PRMT3: variants seen among roughly 807,000 people sequenced by gnomAD.
PRMT3 encodes the protein protein arginine methyltransferase 3, also known as protein arginine N-methyltransferase 3.
PRMT3 carries 62 observed loss-of-function variants against 71.9 expected under a neutral mutation model. The ratio of observed to expected loss-of-function variants is 0.86; its 90% CI spans 0.70 to 1.07. PRMT3 has a LOEUF of 1.07. PRMT3 is among the 50% of genes least tolerant of loss of function. PRMT3 has a pLI of 0.00. For missense variants in PRMT3, 663 were observed against 643.0 expected (o/e 1.03, Z -0.34); for synonymous variants, 213 against 220.4 (o/e 0.97, Z 0.30).
chr11:20,431,242 A>G (rs1201455775), intron 10 of PRMT3, among the ~76,000 whole-genome samples: 3 of 152,174 alleles, frequency 2.0e-5, no homozygotes, highest in African/African-American at 7.2e-5. Context: ...ATGGAGATAT[A>G]GTATATGACA....
chr11:20,442,825 A>T (rs535910041), intron 10 of PRMT3, among the ~76,000 whole-genome samples: 49 of 152,362 alleles, frequency 3.2e-4, no homozygotes, highest in African/African-American at 1.1e-3. Flanking sequence ...TTTTGCTATT[A>T]CAAATAATAT....
At chr11:20,400,360 G>A (rs190356873) in intron 7 of PRMT3, among the ~76,000 whole-genome samples, 117 of 152,188 alleles carry the variant, frequency 7.7e-4, no homozygotes, top group African/African-American at 2.6e-3. Flanking sequence ...TAGATAAGAT[G>A]AAGATACCTT....
At chr11:20,394,192 T>C (rs1405500636) in intron 5 of PRMT3, among the ~76,000 whole-genome samples, 1 of 152,254 alleles carries the variant, frequency 6.6e-6, no homozygotes, top group Non-Finnish European at 1.5e-5. Flanking sequence ...GAAAATGTAA[T>C]ATTTGCACTG....
At chr11:20,418,964 A>G (rs569987959) in intron 9 of PRMT3, among the ~76,000 whole-genome samples, 4 of 152,182 alleles carry the variant, frequency 2.6e-5, no homozygotes, top group Non-Finnish European at 4.4e-5. Context: ...CTCTTTCTCA[A>G]TCAGATGGGC....
chr11:20,391,207 G>A lies in PRMT3; in HGVS notation c.248-1004G>A, dbSNP rs117966620. Among the ~76,000 whole-genome samples, 1,023 of 152,186 alleles carry A rather than the reference G, an allele frequency of 6.7e-3. 40 individuals carry two copies. The highest frequency in any genetic ancestry group is 0.052 in the Admixed American group (801 of 15,288). On this transcript the variant is annotated intron_variant, in intron 3 of 15. Coordinates refer to ENST00000331079, the MANE Select transcript of PRMT3 (RefSeq NM_005788.4). ...CATAAATTCAACTGCAAGTACTTTCGTAAGGCATAAATGACAGCCTCATTT... is the reference window on the plus strand; with the variant it reads ...CATAAATTCAACTGCAAGTACTTTCATAAGGCATAAATGACAGCCTCATTT...
intron 13 of PRMT3, among the ~76,000 whole-genome samples, chr11:20,475,015 A>G (rs1423883448): frequency 6.6e-6 from 1 of 152,202 alleles, no homozygotes; most frequent in African/African-American, 2.4e-5. Flanking sequence ...TAGAAAAGTA[A>G]TAACATTCTT....
chr11:20,491,638 C>A (rs7122150), intron 13 of PRMT3, among the ~76,000 whole-genome samples: 148,174 of 152,260 alleles, frequency 0.97, 72,412 homozygotes, highest in Middle Eastern at 1. Context: ...CAGATTTTTC[C>A]AATCTCACGT....
chr11:20,490,359 T>C (rs1172866051), intron 13 of PRMT3, among the ~76,000 whole-genome samples: 1 of 152,204 alleles, frequency 6.6e-6, no homozygotes, highest in Non-Finnish European at 1.5e-5. Context: ...ACTATATCTG[T>C]CATTTTTCTT....
intron 15 of PRMT3, among the ~76,000 whole-genome samples, chr11:20,498,768 A>G (rs1465321025): frequency 6.6e-6 from 1 of 152,204 alleles, no homozygotes; most frequent in Non-Finnish European, 1.5e-5. Flanking sequence ...ACTGTGTAGG[A>G]AAGATGATTA....
intron 13 of PRMT3, among the ~76,000 whole-genome samples, chr11:20,475,170 G>A (rs1340043478): frequency 6.6e-6 from 1 of 152,190 alleles, no homozygotes; most frequent in Non-Finnish European, 1.5e-5. Context: ...TTAACAAAGG[G>A]TTATTAGCAC....
chr11:20,387,787 G>C lies in PRMT3; in HGVS notation c.28+13G>C, dbSNP rs1031018902. On this transcript the variant is annotated intron_variant, in intron 1 of 15. Transcript: ENST00000331079. The surrounding 1 kb of genome is among the most constrained non-coding windows in gnomAD (Gnocchi z 4.3). The stretch of plus-strand genomic sequence containing the variant: ...TCAGGCGCTACCGGTGGGTACCCTG[G>C]CCCCTCAGCACCCGGCTCGTCCAGC... The C allele has an allele frequency of 1.3e-6, 2 of 1,541,758 alleles. No individual in the cohort carries two copies. The highest frequency in any genetic ancestry group is 2.7e-5 in the African/African-American group (2 of 72,970).
chr11:20,462,189 T>C, intron 12 of PRMT3, 22 bp downstream of exon 12: 1 of 1,524,956 alleles, frequency 6.6e-7, no homozygotes. Context: ...ACCAACTTTA[T>C]TTTTTATAAT....
intron 15 of PRMT3, among the ~76,000 whole-genome samples, chr11:20,500,453 A>G (rs1275232827): frequency 6.6e-6 from 1 of 152,238 alleles, no homozygotes; most frequent in Non-Finnish European, 1.5e-5. Context: ...TAATTGAGAA[A>G]GAACTACATT....
intron 9 of PRMT3, among the ~76,000 whole-genome samples, chr11:20,408,521 G>T (rs1849122445): frequency 6.6e-6 from 1 of 152,036 alleles, no homozygotes. Context: ...AGGCAGAGTG[G>T]ATTTAGTTTA....
At chr11:20,507,148 C>T (rs185828619) in intron 15 of PRMT3, among the ~76,000 whole-genome samples, 1 of 152,328 alleles carries the variant, frequency 6.6e-6, no homozygotes, top group East Asian at 1.9e-4. Context: ...CCTGGTTCTC[C>T]ATGACTTCAG....
intron 3 of PRMT3, among the ~76,000 whole-genome samples, chr11:20,391,564 T>A (rs1848716276): frequency 1.3e-5 from 2 of 152,204 alleles, no homozygotes; most frequent in Non-Finnish European, 2.9e-5. Flanking sequence ...AATGTTGCAT[T>A]TCTAAAGTAT....
rs947246122 is a variant in PRMT3, at chr11:20,406,492, G to A, written c.772-1419G>A. On this transcript the variant is annotated intron_variant, in intron 8 of 15. Coordinates refer to ENST00000331079, the MANE Select transcript of PRMT3 (RefSeq NM_005788.4). ...TGTCAGAATTTTTTTCATTTTTAAGGCTCAATAATCCATTTTACATATGTA... is the reference window on the plus strand; with the variant it reads ...TGTCAGAATTTTTTTCATTTTTAAGACTCAATAATCCATTTTACATATGTA... 8 of 152,160 alleles carry A rather than the reference G, an allele frequency of 5.3e-5. No homozygotes were observed. In the East Asian group the frequency reaches 1.4e-3, roughly 26 times the overall value. The allele number at this position is 152,160 out of a possible 1,614,324, so 9.4% of individuals were successfully genotyped here. A position where few individuals can be genotyped will look rare whatever the true frequency, so the allele number is the denominator to read the frequency against.
intron 7 of PRMT3, among the ~76,000 whole-genome samples, chr11:20,401,208 T>C (rs1848941185): frequency 6.6e-6 from 1 of 152,150 alleles, no homozygotes. Flanking sequence ...GCAGTATGAT[T>C]AGTGGGAGCT....
intron 10 of PRMT3, among the ~76,000 whole-genome samples, chr11:20,446,610 G>T (rs373741196): frequency 6.6e-6 from 1 of 152,040 alleles, no homozygotes; most frequent in South Asian, 2.1e-4. Context: ...TCATACAGTT[G>T]TGGGAATACA....
Sources: gnomAD v4.1 joint callset for allele counts (sites outside exome capture counted in the v4.1 genomes callset) on GRCh38, gnomAD v4.1.1 for gene constraint, Gnocchi (gnomAD v3.1) non-coding constraint, MANE v1.5 for transcripts, NCBI Gene and HGNC (gene_info 2026-07-23, HGNC 2026-07-21) for gene names.